The following AMOTL1 variants were observed in gnomAD, a reference collection of about 807,000 sequenced individuals.
The protein encoded by AMOTL1 is angiomotin like 1.
A neutral mutation model predicts 102.9 loss-of-function variants in AMOTL1; 45 were observed. That is an observed-to-expected ratio of 0.44 (90% CI 0.34 to 0.56). The LOEUF (loss-of-function observed/expected upper bound fraction) is 0.56. Ranked by LOEUF, AMOTL1 falls within the 20% of genes least tolerant of loss-of-function variation. The pLI is 0.01. For synonymous variants in AMOTL1, 481 were observed against 484.7 expected, an observed-to-expected ratio of 0.99 and a Z score of 0.10; for missense variants, 1,114 against 1,225.6, an observed-to-expected ratio of 0.91 and a Z score of 1.36.
chr11:94,766,683 T>C (rs1338755056), upstream of AMOTL1, among the ~76,000 whole-genome samples: 1 of 152,226 alleles, frequency 6.6e-6, no homozygotes, highest in Admixed American at 6.5e-5. Flanking sequence ...TAATTTGCGA[T>C]TCAGGGTTCA....
At chr11:94,761,030 T>G (rs1950785895) in intron 3 of AMOTL1, among the ~76,000 whole-genome samples, 1 of 152,158 alleles carries the variant, frequency 6.6e-6, no homozygotes, top group Non-Finnish European at 1.5e-5. Context: ...CGTCTTGGCC[T>G]CCCAAAGTGC....
chr11:94,768,616 G>T lies in AMOTL1; in HGVS notation c.49+56G>T. 1.4e-5 allele frequency: 22 copies of T among 1,557,254 alleles called. No individual in the cohort carries two copies. In the South Asian group the frequency reaches 2.5e-4, roughly 18 times the overall value. ...GGCGTCTCCGAGTCTCCCACGCGAA[G>T]AACCCAGTCGCCCCGGGCTCCCCGG... is the stretch of plus-strand genomic sequence containing the variant. On this transcript the variant is annotated intron_variant, in intron 1 of 12. Transcript: ENST00000433060.
At chr11:94,706,873 T>C (rs1217947839) in intron 1 of AMOTL1, among the ~76,000 whole-genome samples, 1 of 152,158 alleles carries the variant, frequency 6.6e-6, no homozygotes, top group Non-Finnish European at 1.5e-5. Context: ...AGCTGTATAA[T>C]GAGCATGTTA....
chr11:94,737,810 C>T (rs1419121806), intron 2 of AMOTL1, among the ~76,000 whole-genome samples: 1 of 152,188 alleles, frequency 6.6e-6, no homozygotes, highest in Non-Finnish European at 1.5e-5. Context: ...CCATTCTTGA[C>T]CTTGACAAGA....
chr11:94,808,062 T>A lies in AMOTL1; in HGVS notation c.1121+7751T>A, dbSNP rs1951598166. On this transcript the variant is annotated intron_variant, in intron 3 of 12. Coordinates refer to ENST00000433060, the MANE Select transcript of AMOTL1 (RefSeq NM_130847.3). ...GTATCAGGCAAACCCGCCTCCTATT[T>A]TATTCTTAAATAAGATAGCTACAAA... Among the ~76,000 whole-genome samples, 4 of 91,218 alleles carry A rather than the reference T, an allele frequency of 4.4e-5. No individual in the cohort carries two copies. The Admixed American group carries it at 5.5e-4, about 12-fold the overall frequency. The allele number at this position is 91,218 out of a possible 152,430, so 59.8% of individuals were successfully genotyped here. A position where few individuals can be genotyped will look rare whatever the true frequency, so the allele number is the denominator to read the frequency against.
At chr11:94,755,426 A>T (rs1016107686) in intron 3 of AMOTL1, among the ~76,000 whole-genome samples, 3 of 152,178 alleles carry the variant, frequency 2.0e-5, no homozygotes, top group African/African-American at 7.2e-5. Context: ...CTCTGCTAGA[A>T]CATCTTCTGA....
intron 3 of AMOTL1, among the ~76,000 whole-genome samples, chr11:94,802,615 C>G (rs982336885): frequency 2.6e-5 from 4 of 152,164 alleles, no homozygotes; most frequent in African/African-American, 9.7e-5. Flanking sequence ...TTTGAGCTGA[C>G]TGCCAGGCTT....
rs1295409049 is a variant in AMOTL1, at chr11:94,874,323, C to T, written c.*3528C>T. 1.3e-5 allele frequency: 2 copies of T among 152,234 alleles called. No homozygotes were observed. The highest frequency in any genetic ancestry group is 1.5e-5 in the Non-Finnish European group (1 of 68,052). The allele number at this position is 152,234 out of a possible 1,614,324, so 9.4% of individuals were successfully genotyped here. A position where few individuals can be genotyped will look rare whatever the true frequency, so the allele number is the denominator to read the frequency against. On this transcript the variant is annotated 3_prime_UTR_variant, in exon 13 of 13. Coordinates refer to ENST00000433060, the MANE Select transcript of AMOTL1 (RefSeq NM_130847.3). The stretch of plus-strand genomic sequence containing the variant: ...TTCTTCTCAGCATTTTCTCTGCCTC[C>T]CAGAGGCTGGCAGCCAGTGACACTG...
chr11:94,851,323 C>A (rs1024850700), intron 7 of AMOTL1, among the ~76,000 whole-genome samples: 3 of 152,154 alleles, frequency 2.0e-5, no homozygotes, highest in Admixed American at 6.5e-5. Flanking sequence ...TTTTTAAAAT[C>A]TTTTAGTTTT....
At chr11:94,858,119 A>G (rs746500076) in intron 8 of AMOTL1, among the ~76,000 whole-genome samples, 13 of 152,184 alleles carry the variant, frequency 8.5e-5, no homozygotes, top group Non-Finnish European at 1.8e-4. Flanking sequence ...ACTGACAAGC[A>G]TAGATGGCAG....
intron 1 of AMOTL1, among the ~76,000 whole-genome samples, chr11:94,723,935 C>T (rs968763585): frequency 3.9e-5 from 6 of 152,082 alleles, no homozygotes; most frequent in Admixed American, 1.3e-4. Flanking sequence ...AGCTTAGAAA[C>T]GGAAACTCGT....
At position 94,800,064 on chromosome 11, in the gene AMOTL1, G is replaced by C. The variant is rs1186581369; in HGVS notation, c.874G>C (p.Gly292Arg). The change falls in exon 3 of 13, where the codon GGG becomes CGG. Residue 292 changes from glycine (G) to arginine (R), a missense_variant. By Grantham distance (125) the Gly-to-Arg change is moderately radical. Transcript: ENST00000433060. Reference protein sequence around the residue: ...SGNGKGFKVGGGPSPAQPAGK... With the variant: ...SGNGKGFKVGRGPSPAQPAGK... ...GAATGGAAAGGGCTTCAAAGTAGGA[G>C]GGGGGCCCTCCCCTGCCCAGCCTGC... is the stretch of plus-strand genomic sequence containing the variant. 6.2e-7 allele frequency: 1 copy of C among 1,613,980 alleles called. No individual in the cohort carries two copies.
At position 94,800,115 on chromosome 11, in the gene AMOTL1, C is replaced by T; in HGVS notation, c.925C>T (p.Pro309Ser). ...PAGKVLDPRG[P>S]PPEYPFKTKQ... Reference sequence around the variant, plus strand: ...AGGTAAAGTGCTGGACCCTCGGGGTCCTCCACCTGAGTACCCCTTCAAGAC... The same window carrying T: ...AGGTAAAGTGCTGGACCCTCGGGGTTCTCCACCTGAGTACCCCTTCAAGAC... Residue 309 changes from proline to serine, a missense_variant, in exon 3 of 13, where the codon CCT (proline) becomes TCT (serine). Transcript: ENST00000433060. The T allele has an allele frequency of 6.2e-7, 1 of 1,613,944 alleles. No individual in the cohort carries two copies. The highest frequency in any genetic ancestry group is 8.5e-7 in the Non-Finnish European group (1 of 1,179,872).
intron 3 of AMOTL1, among the ~76,000 whole-genome samples, chr11:94,803,440 G>T (rs1339759363): frequency 3.9e-5 from 6 of 152,178 alleles, no homozygotes; most frequent in Non-Finnish European, 7.4e-5. Flanking sequence ...TGCTAAGGCA[G>T]CAGGGGCCTG....
At chr11:94,748,432 C>CG (rs1447958436) in intron 3 of AMOTL1, among the ~76,000 whole-genome samples, 6 of 152,156 alleles carry the variant, frequency 3.9e-5, no homozygotes, top group Non-Finnish European at 8.8e-5. Context: ...CCCGCAGTTC[C>CG]AGGAAGACTG....
At chr11:94,844,699 T>A (rs1159010919) in intron 6 of AMOTL1, among the ~76,000 whole-genome samples, 2 of 152,182 alleles carry the variant, frequency 1.3e-5, no homozygotes, top group East Asian at 3.8e-4. Flanking sequence ...ACAGCATTAA[T>A]TCATTCATGA....
Position 94,787,687 on chromosome 11 carries a change from CAAAAAAAAAAAAAAAAAAAAAAAAAAAAA to C in AMOTL1, c.50-7312_50-7284del, listed in dbSNP as rs59563004. Among the ~76,000 whole-genome samples, 27 of 57,544 alleles carry C rather than the reference CAAAAAAAAAAAAAAAAAAAAAAAAAAAAA, an allele frequency of 4.7e-4. 1 individual carries two copies. The highest frequency in any genetic ancestry group is 1.1e-3 in the Admixed American group (4 of 3,642). 37.8% of individuals were successfully genotyped at this position (57,544 alleles called of 152,430 possible). A position where few individuals can be genotyped will look rare whatever the true frequency, so the allele number is the denominator to read the frequency against. On this transcript the variant is annotated intron_variant, in intron 1 of 12. Transcript: ENST00000433060. ...TGGGCGACAGAGCGAAACTCCGTCTCAAAAAAAAAAAAAAAAAAAAAAAAAAAAAAAAAAAAAAAAGATACAAAACAAAA... is the reference window on the plus strand; with the variant it reads ...TGGGCGACAGAGCGAAACTCCGTCTCAAAAAAAAAAAGATACAAAACAAAA...
intron 3 of AMOTL1, among the ~76,000 whole-genome samples, chr11:94,818,370 C>T (rs907866056): frequency 6.6e-6 from 1 of 152,148 alleles, no homozygotes; most frequent in Non-Finnish European, 1.5e-5. Context: ...AGGAATTCAC[C>T]CAATTAGTAC....
At chr11:94,788,126 G>A (rs1397540347) in intron 1 of AMOTL1, among the ~76,000 whole-genome samples, 2 of 152,156 alleles carry the variant, frequency 1.3e-5, no homozygotes, top group Admixed American at 6.5e-5. Flanking sequence ...CTGGAACAGG[G>A]TTGGCTTCTG....
Sources: gnomAD v4.1 joint callset for allele counts (sites outside exome capture counted in the v4.1 genomes callset) on GRCh38, gnomAD v4.1.1 for gene constraint, MANE v1.5 for transcripts, NCBI Gene and HGNC (gene_info 2026-07-23, HGNC 2026-07-21) for gene names.